Variants in LINGO2 observed in about 807,000 individuals in gnomAD.
LINGO2 encodes leucine rich repeat and Ig domain containing 2, also known as leucine-rich repeat and immunoglobulin-like domain-containing nogo receptor-interacting protein 2.
A neutral mutation model predicts 30.6 loss-of-function variants in LINGO2; 14 were observed. That is an observed-to-expected ratio of 0.46 (90% CI 0.30 to 0.72). LINGO2 has a LOEUF of 0.72. LINGO2 is among the 30% of genes least tolerant of loss of function. The pLI, the probability that LINGO2 is intolerant of heterozygous loss-of-function variation, is 0.07. For missense variants in LINGO2, 729 were observed against 751.7 expected (o/e 0.97, Z 0.35); for synonymous variants, 317 against 288.5 (o/e 1.10, Z -1.00).
the LINGO2 span, among the ~76,000 whole-genome samples, chr9:28,714,789 GTTAC>G: frequency 1.3e-5 from 2 of 152,008 alleles, no homozygotes; most frequent in African/African-American, 4.8e-5. Context: ...GTTTATTATA[GTTAC>G]TTAAATGTTT....
At chr9:28,834,545 G>A in the LINGO2 span, among the ~76,000 whole-genome samples, 1 of 152,034 alleles carries the variant, frequency 6.6e-6, no homozygotes, top group Admixed American at 6.6e-5. Context: ...GAAGAGTAAG[G>A]TATCCATCAA....
At chr9:27,969,713 C>T (rs975703084) in intron 5 of LINGO2, among the ~76,000 whole-genome samples, 6 of 151,996 alleles carry the variant, frequency 3.9e-5, no homozygotes, top group African/African-American at 1.4e-4. Context: ...AACAAACAAA[C>T]AAACAAACAA....
chr9:28,489,440 G>A (rs528271489), intron 1 of LINGO2, among the ~76,000 whole-genome samples: 1 of 152,256 alleles, frequency 6.6e-6, no homozygotes, highest in East Asian at 1.9e-4. Context: ...GAAGCATTGG[G>A]ATTACAGGCA....
the LINGO2 span, among the ~76,000 whole-genome samples, chr9:29,117,555 C>A: frequency 1.3e-5 from 2 of 152,096 alleles, no homozygotes; most frequent in Non-Finnish European, 2.9e-5. Context: ...TTTAATACAC[C>A]AGAATCAGTC....
intron 1 of LINGO2, among the ~76,000 whole-genome samples, chr9:28,668,842 G>T (rs1828905719): frequency 6.6e-6 from 1 of 152,020 alleles, no homozygotes; most frequent in Admixed American, 6.6e-5. Context: ...ATGACAGGCA[G>T]TTTTGTGCTG....
At chr9:28,756,686 A>C in the LINGO2 span, among the ~76,000 whole-genome samples, 1 of 151,876 alleles carries the variant, frequency 6.6e-6, no homozygotes, top group Non-Finnish European at 1.5e-5. Context: ...TGTTCTAGTG[A>C]TAGTGAGTGA....
intron 4 of LINGO2, among the ~76,000 whole-genome samples, chr9:28,077,417 T>C (rs1459886112): frequency 6.6e-6 from 1 of 152,232 alleles, no homozygotes; most frequent in Non-Finnish European, 1.5e-5. Flanking sequence ...GGATACGGGT[T>C]GGACAGCTTA....
At chr9:28,966,324 C>G in the LINGO2 span, among the ~76,000 whole-genome samples, 2 of 106,944 alleles carry the variant, frequency 1.9e-5, no homozygotes, top group African/African-American at 2.8e-5. Context: ...GAGAATCACA[C>G]AGTAATAATT....
chr9:28,893,977 C>T, the LINGO2 span, among the ~76,000 whole-genome samples: 3 of 151,734 alleles, frequency 2.0e-5, no homozygotes, highest in Non-Finnish European at 4.4e-5. Flanking sequence ...GTTCAATTCC[C>T]ATCTATGAGT....
chr9:28,192,089 C>A (rs942844235), intron 4 of LINGO2, among the ~76,000 whole-genome samples: 1 of 152,094 alleles, frequency 6.6e-6, no homozygotes, highest in South Asian at 2.1e-4. Flanking sequence ...TTAATATAGA[C>A]AAACCTAAAC....
intron 1 of LINGO2, among the ~76,000 whole-genome samples, chr9:28,542,285 G>T (rs1821734482): frequency 6.6e-6 from 1 of 151,412 alleles, no homozygotes; most frequent in Non-Finnish European, 1.5e-5. Flanking sequence ...AAAAAAAACA[G>T]GCAGCTGCAA....
In LINGO2 at chr9:28,050,986, T is replaced by C. The variant is rs938088958; in HGVS notation, c.-86-38581A>G. 9.3e-5 allele frequency among the ~76,000 whole-genome samples: 14 copies of C among 151,018 alleles called. 1 individual carries two copies. Among genetic ancestry groups the C allele is most frequent in the Admixed American group, 2.0e-4 (3 of 15,068 alleles). ...TCAACATACTCATCAGTAAGAAGTA[T>C]AGATGAAATACAAGGATGGTTGAAA... On this transcript the variant is annotated intron_variant, in intron 4 of 5. Coordinates refer to ENST00000379992, the Ensembl canonical transcript of LINGO2.
chr9:28,176,870 T>G (rs1452348), intron 4 of LINGO2, among the ~76,000 whole-genome samples: 14,899 of 152,196 alleles, frequency 0.098, 895 homozygotes, highest in East Asian at 0.19. Flanking sequence ...TGTTACTCAA[T>G]CATTTAAAAC....
At chr9:28,990,358 G>C in the LINGO2 span, among the ~76,000 whole-genome samples, 1 of 152,170 alleles carries the variant, frequency 6.6e-6, no homozygotes, top group Non-Finnish European at 1.5e-5. Flanking sequence ...TGGGAAGCTC[G>C]AACTGGGTGG....
the LINGO2 span, among the ~76,000 whole-genome samples, chr9:28,852,136 AT>A: frequency 6.4e-4 from 97 of 152,090 alleles, no homozygotes; most frequent in Non-Finnish European, 1.4e-3. Flanking sequence ...GATCCATTTT[AT>A]TTGTTTTAAC....
chr9:27,997,092 C>T (rs1821702620), intron 5 of LINGO2, among the ~76,000 whole-genome samples: 1 of 152,176 alleles, frequency 6.6e-6, no homozygotes, highest in Non-Finnish European at 1.5e-5. Flanking sequence ...AGATTCCTTA[C>T]AATACCATCA....
the LINGO2 span, among the ~76,000 whole-genome samples, chr9:29,018,827 A>C: frequency 6.6e-6 from 1 of 152,192 alleles, no homozygotes; most frequent in Admixed American, 6.5e-5. Context: ...CATAAGACAA[A>C]GGTTTCTTAA....
chr9:28,874,544 T>G, the LINGO2 span, among the ~76,000 whole-genome samples: 307 of 152,166 alleles, frequency 2.0e-3, 3 homozygotes, highest in African/African-American at 6.8e-3. Flanking sequence ...TCATATATTT[T>G]TCATTTCTAT....
chr9:28,833,278 T>C, the LINGO2 span, among the ~76,000 whole-genome samples: 7 of 152,204 alleles, frequency 4.6e-5, no homozygotes, highest in African/African-American at 1.7e-4. Flanking sequence ...AATCGTAGAA[T>C]GTGGAACTAA....
Sources: allele counts gnomAD v4.1 joint callset (sites outside exome capture counted in the v4.1 genomes callset), GRCh38; gene constraint gnomAD v4.1.1; transcripts MANE v1.5; gene names NCBI Gene and HGNC (gene_info 2026-07-23, HGNC 2026-07-21).